Variants in COBL observed in about 807,000 individuals in gnomAD.
The protein encoded by COBL is protein cordon-bleu.
COBL carries 51 observed loss-of-function variants against 98.8 expected under a neutral mutation model. The ratio of observed to expected loss-of-function variants is 0.52; its 90% CI spans 0.41 to 0.65. The LOEUF (loss-of-function observed/expected upper bound fraction) is 0.65. Ranked by LOEUF, COBL falls within the 30% of genes least tolerant of loss-of-function variation. The pLI is 0.00. For missense variants in COBL, 1,617 were observed against 1,617.5 expected (o/e 1.00, Z 0.01); for synonymous variants, 634 against 651.7 (o/e 0.97, Z 0.41).
Position 51,181,185 on chromosome 7 carries a change from G to A in COBL, c.783+2917C>T, listed in dbSNP as rs184884578. 1.9e-3 allele frequency among the ~76,000 whole-genome samples: 290 copies of A among 152,238 alleles called. 1 individual carries two copies. Among genetic ancestry groups the A allele is most frequent in the African/African-American group, 5.8e-3 (242 of 41,538 alleles). Reference sequence around the variant, plus strand: ...GACAAGGGACCCCTTGACACTCAGCGTTTAATCATCAATGCTTTCAAGAAG... The same window carrying A: ...GACAAGGGACCCCTTGACACTCAGCATTTAATCATCAATGCTTTCAAGAAG... On this transcript the variant is annotated intron_variant, in intron 5 of 12. Coordinates refer to ENST00000265136, the MANE Select transcript of COBL (RefSeq NM_015198.5).
intron 5 of COBL, among the ~76,000 whole-genome samples, chr7:51,141,502 G>C (rs1468479347): frequency 6.6e-6 from 1 of 152,182 alleles, no homozygotes; most frequent in Admixed American, 6.5e-5. Context: ...GGCCCAGACA[G>C]AGCTACTCAG....
At chr7:51,145,147 T>C (rs1280865290) in intron 5 of COBL, among the ~76,000 whole-genome samples, 1 of 151,904 alleles carries the variant, frequency 6.6e-6, no homozygotes, top group Admixed American at 6.6e-5. Context: ...CCTGAGTAGC[T>C]GGGATTATAG....
chr7:51,249,860 G>C (rs1299505906), intron 1 of COBL, among the ~76,000 whole-genome samples: 2 of 152,168 alleles, frequency 1.3e-5, no homozygotes, highest in Admixed American at 1.3e-4. Flanking sequence ...CCAGCACTTT[G>C]AGAGGTTGAG....
chr7:51,255,518 G>A (rs942186468), intron 1 of COBL, among the ~76,000 whole-genome samples: 3 of 152,220 alleles, frequency 2.0e-5, no homozygotes, highest in Non-Finnish European at 4.4e-5. Flanking sequence ...GGGAGGGTCT[G>A]CATATTTGAG....
chr7:51,058,561 A>AACC (rs1441384700), intron 7 of COBL, among the ~76,000 whole-genome samples: 2 of 70,550 alleles, frequency 2.8e-5, no homozygotes, highest in African/African-American at 1.7e-4. Flanking sequence ...TCAAAACAAC[A>AACC]ACAACAACAA....
At chr7:51,175,331 T>A (rs1203487296) in intron 5 of COBL, among the ~76,000 whole-genome samples, 1 of 152,240 alleles carries the variant, frequency 6.6e-6, no homozygotes, top group Non-Finnish European at 1.5e-5. Flanking sequence ...AAAAGGTGCA[T>A]GAACGTGAGT....
chr7:51,203,040 G>A (rs1417128071), intron 2 of COBL, among the ~76,000 whole-genome samples: 1 of 147,080 alleles, frequency 6.8e-6, no homozygotes, highest in African/African-American at 2.5e-5. Flanking sequence ...GACTCTGTCT[G>A]GAAAAATAAG....
intron 6 of COBL, among the ~76,000 whole-genome samples, chr7:51,097,114 A>G (rs979601096): frequency 1.3e-5 from 2 of 152,194 alleles, no homozygotes; most frequent in Non-Finnish European, 2.9e-5. Context: ...ACAGAATTCA[A>G]CATCACAATA....
At chr7:51,216,672 TA>T (rs1013969001) in intron 2 of COBL, among the ~76,000 whole-genome samples, 124 of 145,612 alleles carry the variant, frequency 8.5e-4, no homozygotes, top group Middle Eastern at 3.5e-3. Flanking sequence ...CAAGGGAAGC[TA>T]AAAAAAAAAA....
At chr7:51,161,339 C>T (rs542921814) in intron 5 of COBL, among the ~76,000 whole-genome samples, 2 of 152,348 alleles carry the variant, frequency 1.3e-5, no homozygotes, top group East Asian at 3.9e-4. Context: ...CTCAGGGCAG[C>T]TGAAATTATG....
intron 7 of COBL, among the ~76,000 whole-genome samples, chr7:51,076,146 C>T (rs546447192): frequency 5.9e-5 from 9 of 152,336 alleles, no homozygotes; most frequent in African/African-American, 2.2e-4. Flanking sequence ...GAGCTCCACA[C>T]CTGTAGTGTT....
intron 6 of COBL, among the ~76,000 whole-genome samples, chr7:51,135,757 ACT>A (rs1799172722): frequency 6.6e-6 from 1 of 152,070 alleles, no homozygotes; most frequent in African/African-American, 2.4e-5. Flanking sequence ...GAATGAATGG[ACT>A]CTGAATTTGC....
chr7:51,264,087 G>A (rs1230627743), intron 1 of COBL, among the ~76,000 whole-genome samples: 6 of 152,142 alleles, frequency 3.9e-5, no homozygotes, highest in Non-Finnish European at 5.9e-5. Flanking sequence ...CCAGGACGCC[G>A]GCCCAGGTCT....
intron 4 of COBL, among the ~76,000 whole-genome samples, chr7:51,187,729 C>G (rs1789681641): frequency 1.3e-5 from 2 of 152,180 alleles, no homozygotes; most frequent in Non-Finnish European, 2.9e-5. Flanking sequence ...TCTGAACCAA[C>G]CAGGGAATCA....
intron 5 of COBL, among the ~76,000 whole-genome samples, chr7:51,143,947 T>C (rs763520635): frequency 6.6e-6 from 1 of 152,236 alleles, no homozygotes; most frequent in Non-Finnish European, 1.5e-5. Flanking sequence ...CATTCATCAC[T>C]ACCTATATGT....
At chr7:51,205,648 T>G (rs1481534881) in intron 2 of COBL, among the ~76,000 whole-genome samples, 3 of 30,876 alleles carry the variant, frequency 9.7e-5, no homozygotes, top group Non-Finnish European at 3.2e-4. Flanking sequence ...TGGTTTTTTG[T>G]TTTTTTTTTT....
At chr7:51,228,347 G>A (rs977918474) in intron 1 of COBL, among the ~76,000 whole-genome samples, 3 of 151,436 alleles carry the variant, frequency 2.0e-5, no homozygotes, top group Non-Finnish European at 4.4e-5. Context: ...CTCAATGACT[G>A]GTGGTAATTA....
intron 7 of COBL, among the ~76,000 whole-genome samples, chr7:51,063,587 T>A (rs935380826): frequency 6.6e-6 from 1 of 152,178 alleles, no homozygotes; most frequent in Admixed American, 6.5e-5. Flanking sequence ...CAGACAGCAG[T>A]AGGAGGCAGG....
intron 1 of COBL, among the ~76,000 whole-genome samples, chr7:51,251,189 G>A (rs572654984): frequency 1.8e-4 from 27 of 152,266 alleles, no homozygotes; most frequent in African/African-American, 6.0e-4. Flanking sequence ...ATTAGAACAC[G>A]TAAAATATAC....
Sources: allele counts gnomAD v4.1 joint callset (sites outside exome capture counted in the v4.1 genomes callset), GRCh38; gene constraint gnomAD v4.1.1; transcripts MANE v1.5; gene names NCBI Gene and HGNC (gene_info 2026-07-23, HGNC 2026-07-21).